The following PDZRN3 variants were observed in gnomAD, a reference collection of about 807,000 sequenced individuals.
PDZRN3 encodes the protein E3 ubiquitin-protein ligase PDZRN3.
PDZRN3 carries 38 observed loss-of-function variants against 85.7 expected under a neutral mutation model. The observed-to-expected ratio is 0.44, with a 90% CI of 0.34 to 0.58. The LOEUF is 0.58. PDZRN3 is among the 20% of genes least tolerant of loss of function. The pLI is 0.01. For synonymous variants in PDZRN3, 759 were observed against 638.0 expected (o/e 1.19, Z -2.86); for missense variants, 1,629 against 1,506.4 (o/e 1.08, Z -1.35).
At chr3:73,457,701 C>T (rs1025961254) in intron 3 of PDZRN3, among the ~76,000 whole-genome samples, 1 of 152,116 alleles carries the variant, frequency 6.6e-6, no homozygotes, top group African/African-American at 2.4e-5. Flanking sequence ...ACCAATGTGA[C>T]GGTGTTAGGA....
chr3:73,417,282 T>C (rs1228014805), intron 3 of PDZRN3, among the ~76,000 whole-genome samples: 3 of 152,236 alleles, frequency 2.0e-5, no homozygotes, highest in Non-Finnish European at 4.4e-5. Context: ...TTGATAATTT[T>C]CTCCCTCTTG....
chr3:73,493,247 T>G (rs1240987559), intron 3 of PDZRN3, among the ~76,000 whole-genome samples: 1 of 152,106 alleles, frequency 6.6e-6, no homozygotes, highest in African/African-American at 2.4e-5. Context: ...TACCTGTCTT[T>G]CTGAAAGCCC....
In PDZRN3 at chr3:73,404,270, T is replaced by C. The variant is rs755885729; in HGVS notation, c.1044A>G (p.Pro348=). 1.2e-6 allele frequency: 2 copies of C among 1,614,178 alleles called. No homozygotes were observed. The highest frequency in any genetic ancestry group is 2.2e-5 in the East Asian group (1 of 44,880). Residue 348 remains proline, a synonymous_variant, in exon 4 of 10, where the codon CCA becomes CCG. Coordinates refer to ENST00000263666, the MANE Select transcript of PDZRN3 (RefSeq NM_015009.3). ...RTPRTKMFTP[P]SESQLVDTGT... is the part of the protein sequence containing the mutation. ...CCGTGTCCACCAGCTGAGACTCTGA[T>C]GGAGGCGTGAACATTTTGGTCCTTG...
intron 3 of PDZRN3, among the ~76,000 whole-genome samples, chr3:73,469,374 A>G (rs549171251): frequency 3.7e-4 from 56 of 152,262 alleles, no homozygotes; most frequent in African/African-American, 1.3e-3. Flanking sequence ...CCCGGTCATG[A>G]TTCATCTCTT....
chr3:73,499,940 G>A (rs1404717273), intron 3 of PDZRN3, among the ~76,000 whole-genome samples: 1 of 152,120 alleles, frequency 6.6e-6, no homozygotes, highest in African/African-American at 2.4e-5. Context: ...AAAGCCTGGT[G>A]GATATTAGCT....
intron 3 of PDZRN3, among the ~76,000 whole-genome samples, chr3:73,439,633 A>G (rs1186477981): frequency 6.6e-6 from 1 of 152,252 alleles, no homozygotes; most frequent in Non-Finnish European, 1.5e-5. Flanking sequence ...TGCACACACA[A>G]AAAATGTCAA....
intron 3 of PDZRN3, among the ~76,000 whole-genome samples, chr3:73,424,224 T>G (rs1342199611): frequency 6.6e-6 from 1 of 151,854 alleles, no homozygotes; most frequent in Non-Finnish European, 1.5e-5. Flanking sequence ...ATTTGGTTCA[T>G]TAGAAAACAT....
At chr3:73,449,315 C>A (rs978445420) in intron 3 of PDZRN3, among the ~76,000 whole-genome samples, 1 of 151,752 alleles carries the variant, frequency 6.6e-6, no homozygotes. Flanking sequence ...CATATTCGGG[C>A]ACTGGATGCT....
intron 3 of PDZRN3, among the ~76,000 whole-genome samples, chr3:73,558,076 T>G (rs989165469): frequency 6.9e-6 from 1 of 145,370 alleles, no homozygotes; most frequent in African/African-American, 2.4e-5. Context: ...TTAATATATG[T>G]TTTTTTTCTT....
intron 3 of PDZRN3, among the ~76,000 whole-genome samples, chr3:73,547,094 G>A (rs886798668): frequency 4.6e-5 from 7 of 152,072 alleles, no homozygotes; most frequent in African/African-American, 1.4e-4. Context: ...CCCCACTCAC[G>A]ACAACAGCCC....
intron 3 of PDZRN3, among the ~76,000 whole-genome samples, chr3:73,579,510 A>G (rs1251646233): frequency 6.6e-6 from 1 of 152,200 alleles, no homozygotes; most frequent in East Asian, 1.9e-4. Context: ...CTGTTTTATT[A>G]TTTACAGATT....
intron 3 of PDZRN3, among the ~76,000 whole-genome samples, chr3:73,592,243 C>CA (rs893569903): frequency 2.4e-4 from 37 of 151,950 alleles, no homozygotes; most frequent in African/African-American, 8.4e-4. Context: ...ATGAAAAGAA[C>CA]AAAAAAAACC....
At chr3:73,612,818 CCAGTTCTCATGTCA>C (rs1702703671) in intron 1 of PDZRN3, among the ~76,000 whole-genome samples, 1 of 152,178 alleles carries the variant, frequency 6.6e-6, no homozygotes, top group African/African-American at 2.4e-5. Flanking sequence ...TCTCATGTCA[CCAGTTCTCATGTCA>C]CCAGGTTACT....
At chr3:73,508,227 C>T (rs572063426) in intron 3 of PDZRN3, among the ~76,000 whole-genome samples, 2 of 152,316 alleles carry the variant, frequency 1.3e-5, no homozygotes, top group East Asian at 3.9e-4. Flanking sequence ...CAGCCACCAC[C>T]ATACAACCCC....
intron 3 of PDZRN3, among the ~76,000 whole-genome samples, chr3:73,485,182 T>G (rs1575684390): frequency 6.6e-6 from 1 of 152,196 alleles, no homozygotes; most frequent in East Asian, 1.9e-4. Context: ...GAGTGGCAAT[T>G]ACTTTTTCAC....
Position 73,384,449 on chromosome 3 carries a change from T to C in PDZRN3, c.2117A>G (p.His706Arg). ...ELECLSIVRA[H>R]KMQQLKEQYR... The stretch of plus-strand genomic sequence containing the variant: ...CTGCTCCTTGAGCTGCTGCATCTTG[T>C]GGGCGCGCACGATGCTCAGGCACTC... Residue 706 changes from histidine (H) to arginine (R), a missense_variant, in exon 10 of 10, where the codon CAC (histidine) becomes CGC (arginine). His to Arg is a conservative substitution (Grantham distance 29, BLOSUM62 0). Transcript: ENST00000263666. 2 of 1,612,360 alleles carry C rather than the reference T, an allele frequency of 1.2e-6. No homozygotes were observed. Among genetic ancestry groups the C allele is most frequent in the Admixed American group, 1.7e-5 (1 of 60,026 alleles).
rs1223780471 is a variant in PDZRN3, at chr3:73,624,915, C to G, written c.-90G>C. The G allele has an allele frequency of 2.9e-6, 3 of 1,038,890 alleles. No individual in the cohort carries two copies. Among genetic ancestry groups the G allele is most frequent in the Non-Finnish European group, 3.7e-6 (3 of 810,432 alleles). The allele number at this position is 1,038,890 out of a possible 1,614,324, so 64.4% of individuals were successfully genotyped here. On this transcript the variant is annotated 5_prime_UTR_variant, in exon 1 of 10. Transcript: ENST00000263666. ...GCCCAGACAGGCCGGCTACGCCGCC[C>G]GCGCGCTCGCTGGCTCTCCCCGGAC...
intron 3 of PDZRN3, among the ~76,000 whole-genome samples, chr3:73,498,146 C>T (rs1703903817): frequency 6.6e-6 from 1 of 152,174 alleles, no homozygotes; most frequent in Non-Finnish European, 1.5e-5. Flanking sequence ...CCCTCACTTT[C>T]CAGACATAGT....
intron 5 of PDZRN3, among the ~76,000 whole-genome samples, chr3:73,399,275 A>C (rs1222255146): frequency 1.3e-5 from 2 of 152,222 alleles, no homozygotes; most frequent in Non-Finnish European, 2.9e-5. Flanking sequence ...ATCATCAAAA[A>C]GCAGTGTCGT....
Sources: gnomAD v4.1 joint callset for allele counts (sites outside exome capture counted in the v4.1 genomes callset) on GRCh38, gnomAD v4.1.1 for gene constraint, MANE v1.5 for transcripts, NCBI Gene and HGNC (gene_info 2026-07-23, HGNC 2026-07-21) for gene names.